SLIT2: variants seen among roughly 807,000 people sequenced by gnomAD.
SLIT2 encodes the protein slit guidance ligand 2, also known as slit homolog 2 protein.
SLIT2 carries 41 observed loss-of-function variants against 185.7 expected under a neutral mutation model. The ratio of observed to expected loss-of-function variants is 0.22; its 90% CI spans 0.17 to 0.29. The LOEUF is 0.29. Ranked by LOEUF, SLIT2 falls within the 10% of genes least tolerant of loss-of-function variation. The pLI is 1.00. For synonymous variants in SLIT2, 693 were observed against 680.2 expected, an observed-to-expected ratio of 1.02 and a Z score of -0.29; for missense variants, 1,571 against 1,909.0, an observed-to-expected ratio of 0.82 and a Z score of 3.30.
chr4:20,410,091 T>G (rs1010554547), intron 4 of SLIT2, among the ~76,000 whole-genome samples: 14 of 152,126 alleles, frequency 9.2e-5, no homozygotes, highest in African/African-American at 3.1e-4. Context: ...ATTTGTCAAG[T>G]TTTGCTTTTG....
intron 11 of SLIT2, among the ~76,000 whole-genome samples, chr4:20,516,107 G>T (rs77574266): frequency 1.3e-5 from 2 of 152,150 alleles, no homozygotes; most frequent in African/African-American, 2.4e-5. Context: ...GAGCCACTGC[G>T]CCTGGCCTCT....
intron 12 of SLIT2, among the ~76,000 whole-genome samples, chr4:20,522,121 A>G (rs1236633118): frequency 6.6e-6 from 1 of 152,148 alleles, no homozygotes; most frequent in African/African-American, 2.4e-5. Flanking sequence ...GCTTCAGACC[A>G]TCACCAAAGG....
intron 4 of SLIT2, among the ~76,000 whole-genome samples, chr4:20,347,652 G>A (rs771763744): frequency 2.6e-5 from 4 of 152,188 alleles, no homozygotes; most frequent in African/African-American, 4.8e-5. Context: ...ATCAGGCTTA[G>A]CTAAAAGCCC....
rs1577652814 is a variant in SLIT2 at position 20,434,776 on chromosome 4, C to T, written c.396-32976C>T. Among the ~76,000 whole-genome samples, 3 of 152,116 alleles carry T rather than the reference C, an allele frequency of 2.0e-5. No individual in the cohort carries two copies. In the South Asian group the frequency reaches 6.2e-4, roughly 32 times the overall value. Reference sequence around the variant, plus strand: ...GGAACTAGAAAGTCTGTTTAGAAAGCTAATATGGTAGCCCAGGGGAAATGT... The same window carrying T: ...GGAACTAGAAAGTCTGTTTAGAAAGTTAATATGGTAGCCCAGGGGAAATGT... On this transcript the variant is annotated intron_variant, in intron 4 of 36. Transcript: ENST00000504154.
At chr4:20,263,455 A>ACT in intron 3 of SLIT2, among the ~76,000 whole-genome samples, 1 of 151,766 alleles carries the variant, frequency 6.6e-6, no homozygotes, top group Admixed American at 6.6e-5. Context: ...TTCTAGAGTA[A>ACT]AAGCACAGAG....
At position 20,343,869 on chromosome 4, in the gene SLIT2, T is replaced by G. The variant is rs182403268; in HGVS notation, c.395+74988T>G. 1.3e-3 allele frequency among the ~76,000 whole-genome samples: 200 copies of G among 152,068 alleles called. 1 individual carries two copies. Among genetic ancestry groups the G allele is most frequent in the African/African-American group, 4.7e-3 (195 of 41,486 alleles). ...ATTATTATTATTAGTATTATTTTTT[T>G]GAGATGGAGTCTCGCTCTGTTGTCA... is the stretch of plus-strand genomic sequence containing the variant. On this transcript the variant is annotated intron_variant, in intron 4 of 36. Coordinates refer to ENST00000504154, the MANE Select transcript of SLIT2 (RefSeq NM_004787.4).
chr4:20,472,336 ATC>A (rs1450331118), intron 5 of SLIT2, among the ~76,000 whole-genome samples: 7 of 40,686 alleles, frequency 1.7e-4, no homozygotes, highest in African/African-American at 8.7e-4. Flanking sequence ...CTATATATAG[ATC>A]TATATATAGA....
chr4:20,545,743 G>T (rs957325210), intron 21 of SLIT2, among the ~76,000 whole-genome samples: 1 of 152,030 alleles, frequency 6.6e-6, no homozygotes, highest in Admixed American at 6.6e-5. Context: ...CAAACTGAAG[G>T]CTGACTAAAA....
intron 3 of SLIT2, among the ~76,000 whole-genome samples, chr4:20,262,754 G>T (rs1712614378): frequency 6.6e-6 from 1 of 151,844 alleles, no homozygotes; most frequent in Non-Finnish European, 1.5e-5. Context: ...CGTAAGCAAT[G>T]TGGTCAATTT....
chr4:20,439,909 G>A (rs974382505), intron 4 of SLIT2, among the ~76,000 whole-genome samples: 1 of 152,184 alleles, frequency 6.6e-6, no homozygotes, highest in African/African-American at 2.4e-5. Context: ...ACATCATAGA[G>A]TTAAGACCTA....
At chr4:20,324,838 G>C (rs1220588487) in intron 4 of SLIT2, among the ~76,000 whole-genome samples, 1 of 152,106 alleles carries the variant, frequency 6.6e-6, no homozygotes, top group Non-Finnish European at 1.5e-5. Context: ...ACAGATGTAT[G>C]CATATGTCCA....
intron 4 of SLIT2, among the ~76,000 whole-genome samples, chr4:20,328,234 T>A (rs1013818135): frequency 6.6e-6 from 1 of 152,092 alleles, no homozygotes; most frequent in African/African-American, 2.4e-5. Context: ...CTTTCGTAGA[T>A]AAGAAATTAT....
intron 4 of SLIT2, among the ~76,000 whole-genome samples, chr4:20,421,998 A>G (rs578087188): frequency 6.6e-6 from 1 of 152,236 alleles, no homozygotes; most frequent in South Asian, 2.1e-4. Flanking sequence ...CACCTCCACA[A>G]CATGTTGCTG....
intron 4 of SLIT2, among the ~76,000 whole-genome samples, chr4:20,460,763 A>G (rs1489862430): frequency 3.9e-5 from 6 of 152,178 alleles, no homozygotes; most frequent in Admixed American, 3.3e-4. Context: ...ATGTTAAGTG[A>G]AATAAGCCAG....
intron 4 of SLIT2, among the ~76,000 whole-genome samples, chr4:20,445,286 T>C (rs1476317584): frequency 1.3e-5 from 2 of 152,256 alleles, no homozygotes; most frequent in Non-Finnish European, 2.9e-5. Flanking sequence ...TAAATGGAGA[T>C]GTTTCTTACA....
At chr4:20,356,397 A>C (rs968920542) in intron 4 of SLIT2, among the ~76,000 whole-genome samples, 1 of 152,158 alleles carries the variant, frequency 6.6e-6, no homozygotes, top group African/African-American at 2.4e-5. Flanking sequence ...TGCAAAGTTG[A>C]GGTTACCAGC....
chr4:20,371,627 G>A (rs1314390691), intron 4 of SLIT2, among the ~76,000 whole-genome samples: 2 of 152,000 alleles, frequency 1.3e-5, no homozygotes, highest in Non-Finnish European at 2.9e-5. Flanking sequence ...AGCTCATGCA[G>A]ACTGCATTTT....
intron 26 of SLIT2, among the ~76,000 whole-genome samples, chr4:20,554,757 TG>T (rs1724095050): frequency 6.7e-6 from 1 of 150,194 alleles, no homozygotes; most frequent in African/African-American, 2.5e-5. Flanking sequence ...GGGGGGCTTT[TG>T]TTTTGTTTTT....
chr4:20,337,389 C>T (rs1257125638), intron 4 of SLIT2, among the ~76,000 whole-genome samples: 1 of 151,982 alleles, frequency 6.6e-6, no homozygotes, highest in Non-Finnish European at 1.5e-5. Flanking sequence ...AAGGACCTGC[C>T]CCCGTGATTC....
Sources: allele counts gnomAD v4.1 joint callset (sites outside exome capture counted in the v4.1 genomes callset), GRCh38; gene constraint gnomAD v4.1.1; transcripts MANE v1.5; gene names NCBI Gene and HGNC (gene_info 2026-07-23, HGNC 2026-07-21).